Variants in ABCA9 observed in about 807,000 individuals in gnomAD.
ABCA9 encodes the protein ATP-binding cassette sub-family A member 9.
Under a neutral mutation model 205.3 loss-of-function variants are expected in ABCA9, and 183 were observed. The observed-to-expected ratio is 0.89, with a 90% CI of 0.79 to 1.01. ABCA9 has a LOEUF of 1.01. Among genes scored for constraint, ABCA9 ranks in the 50% least tolerant of loss-of-function variants. The probability of loss-of-function intolerance (pLI) is 0.00; values close to 1 mark genes in which losing one functional copy is unlikely to be tolerated. For synonymous variants in ABCA9, 651 were observed against 683.3 expected, an observed-to-expected ratio of 0.95 and a Z score of 0.74; for missense variants, 1,805 against 1,912.4, an observed-to-expected ratio of 0.94 and a Z score of 1.05.
chr17:69,077,106 T>C, the ABCA9 span, among the ~76,000 whole-genome samples: 2 of 152,174 alleles, frequency 1.3e-5, no homozygotes, highest in Non-Finnish European at 2.9e-5. Flanking sequence ...TGTTAGAGTG[T>C]TAATTTTACA....
intron 1 of ABCA9, among the ~76,000 whole-genome samples, chr17:69,059,296 A>T (rs780213599): frequency 1.3e-5 from 2 of 152,208 alleles, no homozygotes; most frequent in Non-Finnish European, 2.9e-5. Context: ...AGTAGATGGA[A>T]TTAAGGTTGC....
the ABCA9 span, among the ~76,000 whole-genome samples, chr17:69,069,604 T>G: frequency 6.6e-6 from 1 of 152,020 alleles, no homozygotes; most frequent in South Asian, 2.1e-4. Flanking sequence ...GTGGTCAGCT[T>G]CTTTTACAAG....
At chr17:69,018,216 AG>A (rs2070695720) in intron 20 of ABCA9, 196 bp downstream of exon 20, 1 of 494,576 alleles carries the variant, frequency 2.0e-6, no homozygotes, top group Non-Finnish European at 3.4e-6. Flanking sequence ...ATTAAGGTTA[AG>A]TAAACTTGCA....
intron 5 of ABCA9, 50 bp from the exon 6 acceptor site, chr17:69,043,765 C>A (rs761521041): frequency 2.8e-6 from 4 of 1,430,848 alleles, no homozygotes; most frequent in South Asian, 2.7e-5. Flanking sequence ...CTAATTCCAA[C>A]CTTAGGCTTT....
chr17:69,072,262 T>C, the ABCA9 span, among the ~76,000 whole-genome samples: 1 of 152,086 alleles, frequency 6.6e-6, no homozygotes, highest in East Asian at 1.9e-4. Context: ...AAAGATACTC[T>C]TCGAGAAGAG....
At chr17:69,030,631 TTC>T (rs942242410) in intron 10 of ABCA9, among the ~76,000 whole-genome samples, 1 of 152,214 alleles carries the variant, frequency 6.6e-6, no homozygotes, top group African/African-American at 2.4e-5. Context: ...CAAATACTGT[TTC>T]TCTTTTTAAA....
At chr17:69,058,132 C>T (rs1479687218) in intron 1 of ABCA9, among the ~76,000 whole-genome samples, 1 of 152,132 alleles carries the variant, frequency 6.6e-6, no homozygotes, top group African/African-American at 2.4e-5. Flanking sequence ...GAAACTCACC[C>T]AGGAAATGAT....
intron 6 of ABCA9, among the ~76,000 whole-genome samples, chr17:69,040,903 C>T (rs1394911361): frequency 6.6e-6 from 1 of 151,988 alleles, no homozygotes; most frequent in South Asian, 2.1e-4. Context: ...GCCAAATAAA[C>T]AGGAAGAAAG....
chr17:69,076,028 T>C, the ABCA9 span, among the ~76,000 whole-genome samples: 1 of 152,160 alleles, frequency 6.6e-6, no homozygotes, highest in East Asian at 1.9e-4. Context: ...TCTTGCATCA[T>C]TGCTCTGGCA....
At position 69,015,121 on chromosome 17, in the gene ABCA9, G is replaced by A. The variant is rs372745745; in HGVS notation, c.3039+1132C>T. Among the ~76,000 whole-genome samples the A allele has an allele frequency of 9.9e-4, 150 of 152,120 alleles. 5 individuals are homozygous for A. In the South Asian group the frequency reaches 0.029, roughly 30 times the overall value. ...TTTACTCAGAAGGGGAGGGAAAGGG[G>A]ATTGTCTGAGAGCTAGGACACCCTC... On this transcript the variant is annotated intron_variant, in intron 22 of 38. Transcript: ENST00000340001.
chr17:69,074,133 T>C, the ABCA9 span, among the ~76,000 whole-genome samples: 1 of 152,200 alleles, frequency 6.6e-6, no homozygotes, highest in Non-Finnish European at 1.5e-5. Context: ...TGAGAACTAT[T>C]CTACCATCTT....
At chr17:69,039,892 A>C (rs1409607567) in intron 6 of ABCA9, among the ~76,000 whole-genome samples, 1 of 152,248 alleles carries the variant, frequency 6.6e-6, no homozygotes, top group African/African-American at 2.4e-5. Flanking sequence ...AAAGTAGGCA[A>C]AGGATATGAA....
At position 68,983,855 on chromosome 17, in the gene ABCA9, G is replaced by A. The variant is rs1326950688; in HGVS notation, c.4500-6C>T. The A allele has an allele frequency of 6.2e-7, 1 of 1,614,130 alleles. No homozygotes were observed. Among genetic ancestry groups the A allele is most frequent in the Non-Finnish European group, 8.5e-7 (1 of 1,180,006 alleles). ...GTTGGATGGAACCAATACATCTGAA[G>A]GTAACAGAAGGATAAAGTCAAGCAA... is the stretch of plus-strand genomic sequence containing the variant. On this transcript the variant is annotated splice_region_variant and splice_polypyrimidine_tract_variant and intron_variant, in intron 35 of 38. Transcript: ENST00000340001.
At position 69,027,402 on chromosome 17, in the gene ABCA9, G is replaced by A. The variant is rs374351301; in HGVS notation, c.1839C>T (p.Ile613=). Residue 613 remains isoleucine (I), a synonymous_variant, in exon 14 of 39, where the codon ATC becomes ATT. Transcript: ENST00000340001. ...GTCCACCACTTAAGTTTTGAGCAAG[G>A]ATGTCTTGAATATTTTCCATTTCTA... ...QELEMENIQD[I]LAQNLSGGQN... is the part of the protein sequence containing the mutation. The A allele has an allele frequency of 1.9e-5, 30 of 1,612,844 alleles. No individual in the cohort carries two copies. Among genetic ancestry groups the A allele is most frequent in the Non-Finnish European group, 2.5e-5 (29 of 1,179,410 alleles).
At position 69,018,423 on chromosome 17, in the gene ABCA9, G is replaced by A. The variant is rs780324107; in HGVS notation, c.2757C>T (p.Ile919=). 19 of 1,571,098 alleles carry A rather than the reference G, an allele frequency of 1.2e-5. No homozygotes were observed. Among genetic ancestry groups the A allele is most frequent in the Non-Finnish European group, 1.5e-5 (18 of 1,164,874 alleles). ...CAGCCCCATGTTCACCTGTCTTATT[G>A]ATGACCAGTAAATGGGTCAGAGGAT... is the stretch of plus-strand genomic sequence containing the variant. The part of the protein sequence containing the change: ...PQDPLTHLLV[I]NKTGSTIDNF... The change falls in exon 20 of 39, where the codon ATC becomes ATT. Residue 919 remains isoleucine, a synonymous_variant. Coordinates refer to ENST00000340001, the MANE Select transcript of ABCA9 (RefSeq NM_080283.4).
intron 1 of ABCA9, among the ~76,000 whole-genome samples, chr17:69,053,479 A>G (rs2071972679): frequency 6.6e-6 from 1 of 152,214 alleles, no homozygotes; most frequent in South Asian, 2.1e-4. Context: ...TGCAGGAACG[A>G]TGGGCAAGGT....
At chr17:69,071,139 G>A in the ABCA9 span, among the ~76,000 whole-genome samples, 6 of 152,190 alleles carry the variant, frequency 3.9e-5, no homozygotes, top group Non-Finnish European at 8.8e-5. Context: ...AGAGCACCTG[G>A]GAGAAGGGGC....
rs2070879467 is a variant in ABCA9, at chr17:69,023,184, GTTTC to G, written c.2281+1026_2281+1029del. 6.6e-6 allele frequency: 1 copy of G among 152,068 alleles called. No individual in the cohort carries two copies. The highest frequency in any genetic ancestry group is 2.1e-4 in the South Asian group (1 of 4,828). 9.4% of individuals were successfully genotyped at this position (152,068 alleles called of 1,614,324 possible). A position where few individuals can be genotyped will look rare whatever the true frequency, so the allele number is the denominator to read the frequency against. On this transcript the variant is annotated intron_variant, in intron 17 of 38. Transcript: ENST00000340001. The surrounding 1 kb of genome is among the most constrained non-coding windows in gnomAD (Gnocchi z 4.2). ...TTAAATGGTAGCATTATTTCTTTGTGTTTCTTTCTTAGTGGTACATCCTGTAGTT... is the reference window on the plus strand; with the variant it reads ...TTAAATGGTAGCATTATTTCTTTGTGTTTCTTAGTGGTACATCCTGTAGTT...
chr17:68,990,836 C>A lies in ABCA9; in HGVS notation c.3837+1G>T. On this transcript the variant is annotated splice_donor_variant, in intron 29 of 38. Transcript: ENST00000340001. LOFTEE classifies it high-confidence loss of function. ...TGACGAAGAACATTTCTGAGTTCTACCTCATCAAAGTCTCGCACAGCCATA... is the reference window on the plus strand; with the variant it reads ...TGACGAAGAACATTTCTGAGTTCTAACTCATCAAAGTCTCGCACAGCCATA... 1 of 1,609,734 alleles carries A rather than the reference C, an allele frequency of 6.2e-7. No homozygotes were observed. Among genetic ancestry groups the A allele is most frequent in the Middle Eastern group, 1.7e-4 (1 of 6,050 alleles).
Sources: allele counts gnomAD v4.1 joint callset (sites outside exome capture counted in the v4.1 genomes callset), GRCh38; gene constraint gnomAD v4.1.1; non-coding constraint Gnocchi (gnomAD v3.1); transcripts MANE v1.5; gene names NCBI Gene and HGNC (gene_info 2026-07-23, HGNC 2026-07-21).